Variants in CCDC136 observed in about 807,000 individuals in gnomAD.
CCDC136 encodes coiled-coil domain containing 136.
Under a neutral mutation model 141.2 loss-of-function variants are expected in CCDC136, and 100 were observed. The observed-to-expected ratio is 0.71, with a 90% CI of 0.60 to 0.84. CCDC136 has a LOEUF of 0.84. CCDC136 is among the 40% of genes least tolerant of loss of function. The pLI is 0.00. For synonymous variants in CCDC136, 474 were observed against 531.9 expected (o/e 0.89, Z 1.50); for missense variants, 1,206 against 1,379.4 (o/e 0.87, Z 1.99).
Position 128,812,262 on chromosome 7 carries a change from T to G in CCDC136, c.2491T>G (p.Phe831Val). 1 of 1,613,582 alleles carries G rather than the reference T, an allele frequency of 6.2e-7. No individual in the cohort carries two copies. Among genetic ancestry groups the G allele is most frequent in the Non-Finnish European group, 8.5e-7 (1 of 1,179,746 alleles). ...TSSSDTCQKS[F>V]VSSCTDEEPA... Reference sequence around the variant, plus strand: ...TAGCTCTGACACCTGCCAGAAGAGTTTTGTCAGCAGCTGCACTGACGAGGA... The same window carrying G: ...TAGCTCTGACACCTGCCAGAAGAGTGTTGTCAGCAGCTGCACTGACGAGGA... Residue 831 changes from phenylalanine to valine, a missense_variant, in exon 13 of 18, where the codon TTT (phenylalanine) becomes GTT (valine). By Grantham distance (50) the Phe-to-Val change is conservative (BLOSUM62 -1). Transcript: ENST00000297788.
Position 128,794,412 on chromosome 7 carries a change from GGAAGAA to G in CCDC136, c.91_96del (p.Glu31_Glu32del). 1 of 1,553,934 alleles carries G rather than the reference GGAAGAA, an allele frequency of 6.4e-7. No homozygotes were observed. Among genetic ancestry groups the G allele is most frequent in the Non-Finnish European group, 8.7e-7 (1 of 1,147,970 alleles). Reference sequence around the variant, plus strand: ...AAGAGGAAGAGGAGGAAGAAGAGGTGGAAGAAGAAGAAGAACAAGTGCAGAAAGGTG... The same window carrying G: ...AAGAGGAAGAGGAGGAAGAAGAGGTGGAAGAAGAACAAGTGCAGAAAGGTG... On this transcript the variant is annotated inframe_deletion, in exon 2 of 18. Coordinates refer to ENST00000297788, the MANE Select transcript of CCDC136 (RefSeq NM_022742.5). The surrounding 1 kb of genome is among the most constrained non-coding windows in gnomAD (Gnocchi z 4.3).
At position 128,810,312 on chromosome 7, in the gene CCDC136, G is replaced by A; in HGVS notation, c.1974G>A (p.Leu658=). The change falls in exon 12 of 18, where the codon TTG becomes TTA. Residue 658 remains leucine, a synonymous_variant. Transcript: ENST00000297788. ...AAGAGTCTCATTTCCAGGAAGTGTT[G>A]GAGAATCCCGATGATTCCAAATTGG... The part of the protein sequence containing the change: ...RFKESHFQEV[L]ENPDDSKLAK... 2 of 1,614,018 alleles carry A rather than the reference G, an allele frequency of 1.2e-6. No homozygotes were observed. Among genetic ancestry groups the A allele is most frequent in the Non-Finnish European group, 1.7e-6 (2 of 1,179,872 alleles).
Position 128,801,288 on chromosome 7 carries a change from T to C in CCDC136, c.449T>C (p.Ile150Thr). 1 of 1,613,860 alleles carries C rather than the reference T, an allele frequency of 6.2e-7. No homozygotes were observed. The highest frequency in any genetic ancestry group is 8.5e-7 in the Non-Finnish European group (1 of 1,179,852). Residue 150 changes from isoleucine to threonine, a missense_variant, in exon 4 of 18, where the codon ATC (isoleucine) becomes ACC (threonine). Ile to Thr is a moderately conservative substitution (Grantham distance 89). Coordinates refer to ENST00000297788, the MANE Select transcript of CCDC136 (RefSeq NM_022742.5). ...GAATTGCATTTGGCCCAGGCTGAGATCCAGAGTCTGCGGCAAGCAGCAGAG... is the reference window on the plus strand; with the variant it reads ...GAATTGCATTTGGCCCAGGCTGAGACCCAGAGTCTGCGGCAAGCAGCAGAG... Reference protein sequence around the residue: ...EQELHLAQAEIQSLRQAAEDS... With the variant: ...EQELHLAQAETQSLRQAAEDS...
intron 7 of CCDC136, 62 bp from the exon 8 acceptor site, chr7:128,806,175 T>C: frequency 7.0e-7 from 1 of 1,419,088 alleles, no homozygotes; most frequent in Non-Finnish European, 9.5e-7. Context: ...ACCCAACTGA[T>C]CCGTAGAAAG....
chr7:128,791,380 C>A (rs573173726), upstream of CCDC136: 4 of 700,040 alleles, frequency 5.7e-6, no homozygotes, highest in South Asian at 1.1e-4. This position sits in a 1 kb window ranked among gnomAD's most constrained non-coding sequence, Gnocchi z 7.1. Context: ...GAGGCCCGGC[C>A]AGGCCCCGCC....
At chr7:128,812,551 AG>A (rs1257887482) in intron 13 of CCDC136, among the ~76,000 whole-genome samples, 156 bp from the exon 14 acceptor site, 1 of 151,830 alleles carries the variant, frequency 6.6e-6, no homozygotes, top group Non-Finnish European at 1.5e-5. Flanking sequence ...TCCTCACCAC[AG>A]CCACGATGCT....
Position 128,815,884 on chromosome 7 carries a change from G to T in CCDC136, c.3316G>T (p.Glu1106Ter). The change falls in exon 16 of 18, where the codon GAA becomes TAA. Residue 1106 changes from glutamate (E) to a stop codon, truncating the protein, a stop_gained. Coordinates refer to ENST00000297788, the MANE Select transcript of CCDC136 (RefSeq NM_022742.5). LOFTEE classifies it high-confidence loss of function. ...GGAGGATGACGCCGACTCTTCCCTT[G>T]AAAGTCCCGAAGAAAATAACCCCCT... is the stretch of plus-strand genomic sequence containing the variant. ...EEEDDADSSL[E>*]SPEENNPLRL... 1 of 1,613,802 alleles carries T rather than the reference G, an allele frequency of 6.2e-7. No individual in the cohort carries two copies. The highest frequency in any genetic ancestry group is 1.1e-5 in the South Asian group (1 of 91,046).
chr7:128,807,588 C>G (rs760442525), intron 10 of CCDC136, 43 bp downstream of exon 10: 7 of 1,294,736 alleles, frequency 5.4e-6, no homozygotes, highest in Non-Finnish European at 7.0e-6. Context: ...GGCACTTGCT[C>G]CAGAGAGAAG....
chr7:128,812,865 G>C lies in CCDC136; in HGVS notation c.2699G>C (p.Arg900Thr), dbSNP rs776592909. The part of the protein sequence containing the change: ...DLKEELDACE[R>T]EFKECMECLE... ...AAGGAAGAGCTGGATGCCTGTGAAA[G>C]GGAGTTCAAGGAGTGCATGGAATGC... The change falls in exon 14 of 18, where the codon AGG becomes ACG. Residue 900 changes from arginine (R) to threonine (T), a missense_variant. Arg to Thr is a moderately conservative substitution (Grantham distance 71). Coordinates refer to ENST00000297788, the MANE Select transcript of CCDC136 (RefSeq NM_022742.5). The C allele has an allele frequency of 2.5e-6, 4 of 1,613,152 alleles. No homozygotes were observed. The highest frequency in any genetic ancestry group is 1.3e-5 in the African/African-American group (1 of 74,908).
rs1272647965 is a variant in CCDC136 at position 128,810,342 on chromosome 7, G to A, written c.2004G>A (p.Lys668=). ...ATCCCGATGATTCCAAATTGGCTAA[G>A]TCCTCCAAATGTAATCGAAACAAGG... ...LENPDDSKLA[K]SSKCNRNKQS... Residue 668 remains lysine, a synonymous_variant, in exon 12 of 18, where the codon AAG becomes AAA. Coordinates refer to ENST00000297788, the MANE Select transcript of CCDC136 (RefSeq NM_022742.5). 1.9e-6 allele frequency: 3 copies of A among 1,613,660 alleles called. No homozygotes were observed. Among genetic ancestry groups the A allele is most frequent in the South Asian group, 2.2e-5 (2 of 90,986 alleles).
At chr7:128,792,457 C>G in intron 1 of CCDC136, 30 bp downstream of exon 1, 1 of 1,534,392 alleles carries the variant, frequency 6.5e-7, no homozygotes, top group Non-Finnish European at 8.9e-7. Flanking sequence ...TTCTTTCTTT[C>G]CCCTCCCCTC....
At chr7:128,796,969 C>T (rs1803118872) in intron 3 of CCDC136, among the ~76,000 whole-genome samples, 1 of 151,432 alleles carries the variant, frequency 6.6e-6, no homozygotes, top group African/African-American at 2.4e-5. Context: ...TCTCGATCTC[C>T]TGACCTCGTG....
chr7:128,794,559 G>A lies in CCDC136; in HGVS notation c.228G>A (p.Arg76=). 6.4e-7 allele frequency: 1 copy of A among 1,557,118 alleles called. No individual in the cohort carries two copies. Among genetic ancestry groups the A allele is most frequent in the African/African-American group, 1.4e-5 (1 of 73,436 alleles). ...TGGTGGCAGAACTGGAGGAGACCCG[G>A]GAACTGGCAGGGCAGCATGAGGATG... is the stretch of plus-strand genomic sequence containing the variant. ...LQLVAELEET[R]ELAGQHEDDS... is the part of the protein sequence containing the mutation. Residue 76 remains arginine, a synonymous_variant, in exon 2 of 18, where the codon CGG becomes CGA. Coordinates refer to ENST00000297788, the MANE Select transcript of CCDC136 (RefSeq NM_022742.5). This position sits in a 1 kb window ranked among gnomAD's most constrained non-coding sequence, Gnocchi z 4.3.
Position 128,805,288 on chromosome 7 carries a change from A to G in CCDC136, c.783-71A>G. The G allele has an allele frequency of 7.1e-7, 1 of 1,401,062 alleles. No homozygotes were observed. The highest frequency in any genetic ancestry group is 1.0e-6 in the Non-Finnish European group (1 of 1,001,382). The allele number at this position is 1,401,062 out of a possible 1,614,324, so 86.8% of individuals were successfully genotyped here. ...TTTGGCCTAAAATGAAGGTATCAGG[A>G]CAAAGCCTGCATGGCTGGTGATGCC... On this transcript the variant is annotated intron_variant, in intron 5 of 17. Coordinates refer to ENST00000297788, the MANE Select transcript of CCDC136 (RefSeq NM_022742.5). The surrounding 1 kb of genome is among the most constrained non-coding windows in gnomAD (Gnocchi z 4.6).
chr7:128,793,804 G>A (rs1209213387), intron 1 of CCDC136, among the ~76,000 whole-genome samples: 1 of 152,134 alleles, frequency 6.6e-6, no homozygotes, highest in Non-Finnish European at 1.5e-5. Context: ...TAGAGAAGGG[G>A]TTTCACCATG....
upstream of CCDC136, chr7:128,791,953 C>CT: frequency 1.0e-6 from 1 of 995,596 alleles, no homozygotes; most frequent in Non-Finnish European, 1.3e-6. The surrounding 1 kb of genome is among the most constrained non-coding windows in gnomAD (Gnocchi z 7.1). Context: ...CCGCACGCCC[C>CT]CCACTCCTCC....
At position 128,794,169 on chromosome 7, in the gene CCDC136, C is replaced by A; in HGVS notation, c.17-179C>A. The A allele has an allele frequency of 1.3e-6, 1 of 793,608 alleles. No individual in the cohort carries two copies. The highest frequency in any genetic ancestry group is 1.5e-5 in the South Asian group (1 of 68,088). 49.2% of individuals were successfully genotyped at this position (793,608 alleles called of 1,614,324 possible). A position where few individuals can be genotyped will look rare whatever the true frequency, so the allele number is the denominator to read the frequency against. ...GGGAGGTGGAGGGGCTGCTTCTCAA[C>A]TTGACTCTCACACCTGAGGACTCAT... On this transcript the variant is annotated intron_variant, in intron 1 of 17. Transcript: ENST00000297788. This position sits in a 1 kb window ranked among gnomAD's most constrained non-coding sequence, Gnocchi z 4.3.
At chr7:128,809,313 C>A in intron 10 of CCDC136, 137 bp from the exon 11 acceptor site, 1 of 650,304 alleles carries the variant, frequency 1.5e-6, no homozygotes, top group South Asian at 1.9e-5. Context: ...TGCATTGTGG[C>A]TTGGGGTGAC....
chr7:128,815,645 G>A lies in CCDC136; in HGVS notation c.3077G>A (p.Ser1026Asn). 6.4e-7 allele frequency: 1 copy of A among 1,556,420 alleles called. No homozygotes were observed. The highest frequency in any genetic ancestry group is 1.2e-5 in the South Asian group (1 of 84,210). Residue 1026 changes from serine (S) to asparagine (N), a missense_variant, in exon 16 of 18, where the codon AGC (serine) becomes AAC (asparagine). By Grantham distance (46) the Ser-to-Asn change is conservative. Coordinates refer to ENST00000297788, the MANE Select transcript of CCDC136 (RefSeq NM_022742.5). ...SLEVVLYYKA[S>N]QRKLDGLAKE... ...GAGGTAGTGCTGTACTACAAGGCCA[G>A]CCAGAGGAAATTAGATGGACTAGCA...
Sources: allele counts gnomAD v4.1 joint callset (sites outside exome capture counted in the v4.1 genomes callset), GRCh38; gene constraint gnomAD v4.1.1; non-coding constraint Gnocchi (gnomAD v3.1); transcripts MANE v1.5; gene names NCBI Gene and HGNC (gene_info 2026-07-23, HGNC 2026-07-21).